The following ANKFN1 variants were observed in gnomAD, a reference collection of about 807,000 sequenced individuals.
ANKFN1 encodes ankyrin repeat and fibronectin type III domain containing 1.
ANKFN1 carries 74 observed loss-of-function variants against 108.7 expected under a neutral mutation model. That is an observed-to-expected ratio of 0.68 (90% CI 0.56 to 0.83). ANKFN1 has a LOEUF of 0.83. ANKFN1 is among the 40% of genes least tolerant of loss of function. The pLI is 0.00. For missense variants in ANKFN1, 1,505 were observed against 1,382.3 expected, an observed-to-expected ratio of 1.09 and a Z score of -1.41; for synonymous variants, 547 against 516.2, an observed-to-expected ratio of 1.06 and a Z score of -0.81.
chr17:56,051,703 T>C (rs1210261361), intron 4 of ANKFN1, among the ~76,000 whole-genome samples: 1 of 140,034 alleles, frequency 7.1e-6, no homozygotes, highest in Non-Finnish European at 1.6e-5. Context: ...CTTAAGCTGA[T>C]AAGCAACTTC....
At chr17:56,458,364 G>A (rs1382570826) in intron 14 of ANKFN1, among the ~76,000 whole-genome samples, 1 of 152,020 alleles carries the variant, frequency 6.6e-6, no homozygotes, top group Non-Finnish European at 1.5e-5. Flanking sequence ...TTGCTGCTCT[G>A]CCGTCCTATG....
intron 19 of ANKFN1, among the ~76,000 whole-genome samples, chr17:56,493,547 T>C (rs2051105349): frequency 1.3e-5 from 2 of 152,096 alleles, no homozygotes; most frequent in Admixed American, 6.6e-5. Flanking sequence ...GAAGGAAAGA[T>C]GTCAATGATA....
At chr17:56,288,961 C>G (rs1426116715) in intron 3 of ANKFN1, among the ~76,000 whole-genome samples, 2 of 152,210 alleles carry the variant, frequency 1.3e-5, no homozygotes, top group Middle Eastern at 3.2e-3. Context: ...TGTCTCCAGT[C>G]CAGGTAGCTT....
chr17:56,159,089 G>A (rs2143489199), intron 1 of ANKFN1, among the ~76,000 whole-genome samples: 1 of 151,024 alleles, frequency 6.6e-6, no homozygotes, highest in Non-Finnish European at 1.5e-5. Flanking sequence ...AGGAAGAGGA[G>A]GAGGAGGAAG....
At chr17:56,337,779 G>A (rs546236010) in intron 4 of ANKFN1, among the ~76,000 whole-genome samples, 1 of 152,264 alleles carries the variant, frequency 6.6e-6, no homozygotes, top group African/African-American at 2.4e-5. Context: ...AGTTAGAATG[G>A]CGATCATTAA....
At position 56,218,211 on chromosome 17, in the gene ANKFN1, C is replaced by G. The variant is rs542365467; in HGVS notation, c.12+5532C>G. Among the ~76,000 whole-genome samples, 152 of 143,042 alleles carry G rather than the reference C, an allele frequency of 1.1e-3. 2 individuals are homozygous for G. Among genetic ancestry groups the G allele is most frequent in the African/African-American group, 3.6e-3 (142 of 39,462 alleles). 93.8% of individuals were successfully genotyped at this position (143,042 alleles called of 152,430 possible). On this transcript the variant is annotated intron_variant, in intron 2 of 20. Coordinates refer to ENST00000682825, the MANE Select transcript of ANKFN1 (RefSeq NM_001370326.1). ...TCTCTCTCTCTCTCTCTCTTCCCCACCCTCCCTCCCTCCCCTCTTCCCTCC... is the reference window on the plus strand; with the variant it reads ...TCTCTCTCTCTCTCTCTCTTCCCCAGCCTCCCTCCCTCCCCTCTTCCCTCC...
chr17:56,444,100 G>A (rs548041827), intron 10 of ANKFN1, among the ~76,000 whole-genome samples: 1 of 152,188 alleles, frequency 6.6e-6, no homozygotes, highest in Non-Finnish European at 1.5e-5. Context: ...CGTCATGTGT[G>A]GTAGGGAGAA....
intron 3 of ANKFN1, among the ~76,000 whole-genome samples, chr17:56,255,536 A>G (rs1482522628): frequency 6.6e-6 from 1 of 152,208 alleles, no homozygotes; most frequent in African/African-American, 2.4e-5. Flanking sequence ...CCTTGGCCCC[A>G]TAAAGAAGTC....
At position 56,048,057 on chromosome 17, in the gene ANKFN1, G is replaced by A. The variant is rs140106454; in HGVS notation, c.288+1732G>A. 6.9e-4 allele frequency among the ~76,000 whole-genome samples: 105 copies of A among 152,120 alleles called. 1 individual carries two copies. Among genetic ancestry groups the A allele is most frequent in the African/African-American group, 2.2e-3 (93 of 41,492 alleles). On this transcript the variant is annotated intron_variant, in intron 4 of 12. Coordinates refer to the ANKFN1 transcript ENST00000635860. Reference sequence around the variant, plus strand: ...TTGTCCATGTATACATTTTTGACACGGTTGTAACTGTGGTTTAGATATTTG... The same window carrying A: ...TTGTCCATGTATACATTTTTGACACAGTTGTAACTGTGGTTTAGATATTTG...
chr17:56,197,146 A>G (rs924641588), intron 1 of ANKFN1, among the ~76,000 whole-genome samples: 2 of 152,230 alleles, frequency 1.3e-5, no homozygotes, highest in African/African-American at 4.8e-5. Context: ...CATGCTGTTT[A>G]GTACAGCGTA....
chr17:56,093,239 A>G (rs1290687439), intron 4 of ANKFN1, among the ~76,000 whole-genome samples: 1 of 150,912 alleles, frequency 6.6e-6, no homozygotes, highest in Non-Finnish European at 1.5e-5. Flanking sequence ...TAAATCATTT[A>G]TTTTATTAAT....
intron 20 of ANKFN1, among the ~76,000 whole-genome samples, chr17:56,509,614 A>AT (rs2051678387): frequency 6.6e-6 from 1 of 152,242 alleles, no homozygotes; most frequent in South Asian, 2.1e-4. Context: ...TAAAATTAAG[A>AT]TTTTGTAACT....
intron 1 of ANKFN1, among the ~76,000 whole-genome samples, chr17:56,199,379 T>A (rs1913837253): frequency 1.3e-5 from 2 of 152,184 alleles, no homozygotes; most frequent in African/African-American, 4.8e-5. Context: ...ATGGGATTTT[T>A]AAGAAGATAT....
chr17:56,489,591 G>C (rs2050966718), intron 18 of ANKFN1, among the ~76,000 whole-genome samples: 1 of 152,086 alleles, frequency 6.6e-6, no homozygotes, highest in Non-Finnish European at 1.5e-5. Context: ...CCACCACAGG[G>C]ACACAACAAG....
chr17:56,299,116 A>C (rs902336353), intron 3 of ANKFN1, among the ~76,000 whole-genome samples: 7 of 152,232 alleles, frequency 4.6e-5, no homozygotes, highest in African/African-American at 1.7e-4. Flanking sequence ...CAAATGAGGA[A>C]ATAACAGATT....
chr17:56,245,332 CTTTG>C (rs1374407333), intron 3 of ANKFN1, among the ~76,000 whole-genome samples: 4 of 151,938 alleles, frequency 2.6e-5, no homozygotes, highest in African/African-American at 7.2e-5. Flanking sequence ...GGGTTTTTTC[CTTTG>C]TTTGTTTGTT....
chr17:56,304,203 CTATTTCTA>C (rs1400667391), intron 3 of ANKFN1, among the ~76,000 whole-genome samples: 2 of 152,110 alleles, frequency 1.3e-5, no homozygotes, highest in East Asian at 3.9e-4. Context: ...AATCTGTTCT[CTATTTCTA>C]TAATTTTACA....
Position 56,170,634 on chromosome 17 carries a change from G to A in ANKFN1, c.-71+17104G>A, listed in dbSNP as rs565001121. Among the ~76,000 whole-genome samples, 15 of 150,894 alleles carry A rather than the reference G, an allele frequency of 9.9e-5. No individual in the cohort carries two copies. In the South Asian group the frequency reaches 1.7e-3, roughly 17 times the overall value. ...AAAAATTAGCCATGCATGGTGGCGC[G>A]TGCCCATAGTCTCAGCCACTTGGGA... On this transcript the variant is annotated intron_variant, in intron 1 of 20. Transcript: ENST00000682825.
intron 8 of ANKFN1, among the ~76,000 whole-genome samples, chr17:56,431,512 TC>T (rs1567996374): frequency 6.6e-6 from 1 of 152,128 alleles, no homozygotes. Context: ...AAGATTGTCC[TC>T]CCCATATCTA....
Sources: gnomAD v4.1 joint callset for allele counts (sites outside exome capture counted in the v4.1 genomes callset) on GRCh38, gnomAD v4.1.1 for gene constraint, MANE v1.5 for transcripts, NCBI Gene and HGNC (gene_info 2026-07-23, HGNC 2026-07-21) for gene names.